The following ATP8B2 variants were observed in gnomAD, a reference collection of about 807,000 sequenced individuals.
ATP8B2 encodes ATPase phospholipid transporting 8B2, also known as phospholipid-transporting ATPase ID.
A neutral mutation model predicts 133.4 loss-of-function variants in ATP8B2; 70 were observed. The ratio of observed to expected loss-of-function variants is 0.52; its 90% CI spans 0.43 to 0.64. The LOEUF (loss-of-function observed/expected upper bound fraction) is 0.64, where lower values mean the gene tolerates loss of function less well. ATP8B2 is among the 30% of genes least tolerant of loss of function. The pLI, the probability that ATP8B2 is intolerant of heterozygous loss-of-function variation, is 0.00. For synonymous variants in ATP8B2, 517 were observed against 589.5 expected, an observed-to-expected ratio of 0.88 and a Z score of 1.78; for missense variants, 1,101 against 1,535.7, an observed-to-expected ratio of 0.72 and a Z score of 4.73.
intron 2 of ATP8B2, chr1:154,329,039 C>G (rs1015014706): frequency 7.7e-7 from 1 of 1,303,624 alleles, no homozygotes; most frequent in African/African-American, 1.5e-5. Flanking sequence ...CCAGGCGCCT[C>G]CCTCTTGGAG....
At position 154,350,865 on chromosome 1, in the gene ATP8B2, T is replaced by G. The variant is rs1686764486; in HGVS notation, c.*1747T>G. ...TTCAGGAATGGTTTGGAGCTGGGAG[T>G]GGGTAGGGGGATTTTAAATGTTCCA... On this transcript the variant is annotated 3_prime_UTR_variant, in exon 28 of 28. Transcript: ENST00000368489. 2 of 101,820 alleles carry G rather than the reference T, an allele frequency of 2.0e-5. No homozygotes were observed. The highest frequency in any genetic ancestry group is 1.3e-4 in the Admixed American group (1 of 7,940). 6.3% of individuals were successfully genotyped at this position (101,820 alleles called of 1,614,324 possible). A position where few individuals can be genotyped will look rare whatever the true frequency, so the allele number is the denominator to read the frequency against.
chr1:154,333,590 C>T (rs1686076321), intron 9 of ATP8B2, among the ~76,000 whole-genome samples: 1 of 150,358 alleles, frequency 6.7e-6, no homozygotes, highest in South Asian at 2.1e-4. Context: ...AGTGTGTGCT[C>T]ATCCACACTT....
At position 154,343,956 on chromosome 1, in the gene ATP8B2, T is replaced by C. The variant is rs1340494137; in HGVS notation, c.1822T>C (p.Tyr608His). ...LAYKDLDEEYYEEWAERRLQA... is the reference protein window; with the variant it reads ...LAYKDLDEEYHEEWAERRLQA... ...CTACAAGGATCTGGATGAAGAGTAC[T>C]ACGAGGAGTGGGCTGAGCGACGCCT... Residue 608 changes from tyrosine to histidine, a missense_variant, in exon 18 of 28, where the codon TAC (tyrosine) becomes CAC (histidine). By Grantham distance (83) the Tyr-to-His change is moderately conservative (BLOSUM62 2). Coordinates refer to ENST00000368489, the MANE Select transcript of ATP8B2 (RefSeq NM_001370597.1). This position sits in a 1 kb window ranked among gnomAD's most constrained non-coding sequence, Gnocchi z 5.8. 1 of 1,613,854 alleles carries C rather than the reference T, an allele frequency of 6.2e-7. No individual in the cohort carries two copies. The highest frequency in any genetic ancestry group is 8.5e-7 in the Non-Finnish European group (1 of 1,179,866).
At position 154,328,634 on chromosome 1, in the gene ATP8B2, C is replaced by A. The variant is rs1685872790; in HGVS notation, c.31+462C>A. On this transcript the variant is annotated intron_variant, in intron 2 of 27. Coordinates refer to ENST00000368489, the MANE Select transcript of ATP8B2 (RefSeq NM_001370597.1). The surrounding 1 kb of genome is among the most constrained non-coding windows in gnomAD (Gnocchi z 4.6). ...CCCGGGGGTGGGAGGGGAGGCGGGG[C>A]TCGCGCGCGAGCTTTCGCCTACGCG... Among the ~76,000 whole-genome samples, 1 of 152,102 alleles carries A rather than the reference C, an allele frequency of 6.6e-6. No individual in the cohort carries two copies.
At position 154,343,829 on chromosome 1, in the gene ATP8B2, C is replaced by G; in HGVS notation, c.1759-64C>G. 1 of 1,522,576 alleles carries G rather than the reference C, an allele frequency of 6.6e-7. No homozygotes were observed. Among genetic ancestry groups the G allele is most frequent in the Non-Finnish European group, 8.9e-7 (1 of 1,127,184 alleles). 94.3% of individuals were successfully genotyped at this position (1,522,576 alleles called of 1,614,324 possible). ...TCTACAGTGCAGGATTATTCATTGT[C>G]GCCCTCACGCTGTCCATTAGCTCTC... On this transcript the variant is annotated intron_variant, in intron 17 of 27. Transcript: ENST00000368489. This position sits in a 1 kb window ranked among gnomAD's most constrained non-coding sequence, Gnocchi z 5.8.
At position 154,344,804 on chromosome 1, in the gene ATP8B2, AG is replaced by A. The variant is rs1558274878; in HGVS notation, c.2286+20del. ...CAGCCTGGTAGGCATCGCTATCCTT[AG>A]CTTGGGCAGTATCTTTCCAGTGAGC... On this transcript the variant is annotated intron_variant, in intron 21 of 27. Coordinates refer to ENST00000368489, the MANE Select transcript of ATP8B2 (RefSeq NM_001370597.1). This position sits in a 1 kb window ranked among gnomAD's most constrained non-coding sequence, Gnocchi z 4.1. 1 of 1,585,894 alleles carries A rather than the reference AG, an allele frequency of 6.3e-7. No homozygotes were observed.
At chr1:154,327,784 C>A in intron 1 of ATP8B2, 1 of 1,611,796 alleles carries the variant, frequency 6.2e-7, no homozygotes, top group Non-Finnish European at 8.5e-7. Flanking sequence ...ACATGAGAGC[C>A]TCCATTGTCC....
In ATP8B2 at chr1:154,344,971, G is replaced by A; in HGVS notation, c.2287G>A (p.Ala763Thr). The change falls in exon 22 of 28, where the codon GCC becomes ACC. Residue 763 changes from alanine (A) to threonine (T), a missense_variant and splice_region_variant. Coordinates refer to ENST00000368489, the MANE Select transcript of ATP8B2 (RefSeq NM_001370597.1). This position sits in a 1 kb window ranked among gnomAD's most constrained non-coding sequence, Gnocchi z 4.1. ...YALVINGHSL[A>T]HALEADMELE... ...TCTCTCAGGTTTCTCTGTGCTCCAG[G>A]CCCACGCACTGGAGGCAGACATGGA... The A allele has an allele frequency of 6.2e-7, 1 of 1,610,674 alleles. No individual in the cohort carries two copies. The highest frequency in any genetic ancestry group is 8.5e-7 in the Non-Finnish European group (1 of 1,178,022).
chr1:154,341,313 C>T, intron 13 of ATP8B2: 1 of 548,598 alleles, frequency 1.8e-6, no homozygotes, highest in Non-Finnish European at 3.3e-6. Context: ...AGTGAGACCA[C>T]ATCCCTACAA....
chr1:154,329,190 A>G (rs967696343), intron 2 of ATP8B2: 1 of 999,172 alleles, frequency 1.0e-6, no homozygotes. Flanking sequence ...TTCCAGACCC[A>G]GAGATCCTGG....
chr1:154,325,990 C>A (rs957509119), intron 1 of ATP8B2, among the ~76,000 whole-genome samples: 4 of 152,086 alleles, frequency 2.6e-5, no homozygotes, highest in African/African-American at 7.2e-5. Context: ...GGCGCGAGTG[C>A]CAAGGAGAAG....
chr1:154,329,244 T>C (rs929476862), intron 2 of ATP8B2, among the ~76,000 whole-genome samples: 2 of 152,096 alleles, frequency 1.3e-5, no homozygotes, highest in African/African-American at 4.8e-5. Context: ...GCATGGTCTT[T>C]GGTGATTGCG....
Position 154,348,998 on chromosome 1 carries a change from T to C in ATP8B2, c.3453T>C (p.Ser1151=), listed in dbSNP as rs769355946. ...IMSGKNMRLS[S]LALSSFTTRS... is the part of the protein sequence containing the mutation. ...CTGGCAAGAACATGCGGCTGAGCTCTCTCGCGCTCTCCAGCTTCACCACCC... is the reference window on the plus strand; with the variant it reads ...CTGGCAAGAACATGCGGCTGAGCTCCCTCGCGCTCTCCAGCTTCACCACCC... The change falls in exon 28 of 28, where the codon TCT becomes TCC. Residue 1151 remains serine, a synonymous_variant. Coordinates refer to ENST00000368489, the MANE Select transcript of ATP8B2 (RefSeq NM_001370597.1). The C allele has an allele frequency of 2.5e-6, 4 of 1,614,122 alleles. No individual in the cohort carries two copies. The African/African-American group carries it at 5.3e-5, about 22-fold the overall frequency.
rs1292532771 is a variant in ATP8B2 at position 154,349,919 on chromosome 1, C to G, written c.*801C>G. 6.6e-6 allele frequency: 1 copy of G among 152,586 alleles called. No individual in the cohort carries two copies. The highest frequency in any genetic ancestry group is 2.4e-5 in the African/African-American group (1 of 41,412). 9.5% of individuals were successfully genotyped at this position (152,586 alleles called of 1,614,324 possible). On this transcript the variant is annotated 3_prime_UTR_variant, in exon 28 of 28. Transcript: ENST00000368489. ...GAGAGTAAAGTGCTGCCCTCTGCCC[C>G]CAACACACACACATATCAATTCCTG...
rs776632005 is a variant in ATP8B2 at position 154,345,284 on chromosome 1, G to A, written c.2471-38G>A. The A allele has an allele frequency of 1.9e-6, 3 of 1,610,868 alleles. No individual in the cohort carries two copies. ...GTAGGCTCTAAAGTGTGTGGCCGGT[G>A]GCCATCTTCACCCTCTTGTCATCTC... On this transcript the variant is annotated intron_variant, in intron 22 of 27. Transcript: ENST00000368489. This position sits in a 1 kb window ranked among gnomAD's most constrained non-coding sequence, Gnocchi z 5.6.
chr1:154,333,368 G>A (rs911302280), intron 9 of ATP8B2, among the ~76,000 whole-genome samples: 4 of 151,540 alleles, frequency 2.6e-5, no homozygotes, highest in South Asian at 2.1e-4. Context: ...GCCGGGCGTC[G>A]TGGTGTGCAT....
rs1483242471 is a variant in ATP8B2, at chr1:154,334,744, C to T, written c.837+153C>T. ...ACACAAAGGCAGTGTTTATTTTAGG[C>T]TCCTTTTAGTTGGAAGATGTTATTT... On this transcript the variant is annotated intron_variant, in intron 11 of 27. Coordinates refer to ENST00000368489, the MANE Select transcript of ATP8B2 (RefSeq NM_001370597.1). This position sits in a 1 kb window ranked among gnomAD's most constrained non-coding sequence, Gnocchi z 4.6. 6.6e-6 allele frequency among the ~76,000 whole-genome samples: 1 copy of T among 151,974 alleles called. No individual in the cohort carries two copies. The highest frequency in any genetic ancestry group is 2.4e-5 in the African/African-American group (1 of 41,346).
In ATP8B2 at chr1:154,331,056, C is replaced by G. The variant is rs202006051; in HGVS notation, c.213C>G (p.Pro71=). Residue 71 remains proline, a synonymous_variant, in exon 5 of 28, where the codon CCC becomes CCG. Transcript: ENST00000368489. The surrounding 1 kb of genome is among the most constrained non-coding windows in gnomAD (Gnocchi z 4.8). ...FLFLLILQLI[P]QISSLSWFTT... The stretch of plus-strand genomic sequence containing the variant: ...CTCTTTCTTTTTTTCAGTTGATCCC[C>G]CAGATCTCTTCCCTGTCCTGGTTCA... 1 of 1,613,964 alleles carries G rather than the reference C, an allele frequency of 6.2e-7. No individual in the cohort carries two copies. The highest frequency in any genetic ancestry group is 2.2e-5 in the East Asian group (1 of 44,882).
At chr1:154,330,650 C>A in intron 3 of ATP8B2, 165 bp from the exon 4 acceptor site, 1 of 741,968 alleles carries the variant, frequency 1.3e-6, no homozygotes, top group Non-Finnish European at 2.3e-6. Context: ...AATACATTGA[C>A]CCCCTTGAGA....
Sources: allele counts gnomAD v4.1 joint callset (sites outside exome capture counted in the v4.1 genomes callset), GRCh38; gene constraint gnomAD v4.1.1; non-coding constraint Gnocchi (gnomAD v3.1); transcripts MANE v1.5; gene names NCBI Gene and HGNC (gene_info 2026-07-23, HGNC 2026-07-21).